SLC24A3: variants seen among roughly 807,000 people sequenced by gnomAD.
SLC24A3 encodes sodium/potassium/calcium exchanger 3.
Under a neutral mutation model 75.8 loss-of-function variants are expected in SLC24A3, and 28 were observed. That is an observed-to-expected ratio of 0.37 (90% CI 0.27 to 0.51). The LOEUF (loss-of-function observed/expected upper bound fraction) is 0.51. SLC24A3 is among the 20% of genes least tolerant of loss of function. The pLI is 0.94. For missense variants in SLC24A3, 663 were observed against 847.8 expected (o/e 0.78, Z 2.71); for synonymous variants, 372 against 334.1 (o/e 1.11, Z -1.24).
intron 1 of SLC24A3, among the ~76,000 whole-genome samples, chr20:19,250,374 G>A (rs1316364982): frequency 6.6e-6 from 1 of 152,196 alleles, no homozygotes; most frequent in Admixed American, 6.5e-5. Flanking sequence ...GCCAAATGGG[G>A]CAGTCCCTTT....
chr20:19,351,607 G>C lies in SLC24A3; in HGVS notation c.271+70520G>C, dbSNP rs144326146. Among the ~76,000 whole-genome samples, 172 of 152,210 alleles carry C rather than the reference G, an allele frequency of 1.1e-3. No individual in the cohort carries two copies. The East Asian group carries it at 0.017, about 15-fold the overall frequency. On this transcript the variant is annotated intron_variant, in intron 2 of 16. Coordinates refer to ENST00000328041, the MANE Select transcript of SLC24A3 (RefSeq NM_020689.4). ...GGGTTAGTAACGTTTTCCTCTCCCA[G>C]CCTCCCCTAGGACTCCTTTCCTGGG...
chr20:19,635,722 T>G (rs564012045), intron 6 of SLC24A3, among the ~76,000 whole-genome samples: 8 of 152,332 alleles, frequency 5.3e-5, no homozygotes, highest in African/African-American at 1.9e-4. Context: ...CATCTAGGAC[T>G]ATCACCTGGA....
chr20:19,693,673 A>C (rs2032772887), intron 13 of SLC24A3: 1 of 420,920 alleles, frequency 2.4e-6, no homozygotes, highest in Non-Finnish European at 4.2e-6. Flanking sequence ...TTCAGGCTTC[A>C]GGGTGGTCAT....
At chr20:19,429,953 G>A (rs544332030) in intron 2 of SLC24A3, among the ~76,000 whole-genome samples, 1 of 152,242 alleles carries the variant, frequency 6.6e-6, no homozygotes, top group East Asian at 1.9e-4. Context: ...AAAAAGAGGA[G>A]GGCCTGGGCT....
intron 2 of SLC24A3, among the ~76,000 whole-genome samples, chr20:19,461,609 T>G (rs903313763): frequency 1.4e-5 from 2 of 145,780 alleles, no homozygotes; most frequent in Non-Finnish European, 3.0e-5. Context: ...CTTGGCTCAC[T>G]GCAACCTCCA....
chr20:19,704,382 C>A (rs1460304983), intron 15 of SLC24A3, among the ~76,000 whole-genome samples: 1 of 152,104 alleles, frequency 6.6e-6, no homozygotes, highest in African/African-American at 2.4e-5. Context: ...CCTTCCAACG[C>A]CTATGTAAGG....
At chr20:19,406,169 G>T (rs949203253) in intron 2 of SLC24A3, among the ~76,000 whole-genome samples, 5 of 151,170 alleles carry the variant, frequency 3.3e-5, no homozygotes, top group African/African-American at 1.2e-4. Flanking sequence ...AACATTTAGT[G>T]CTTTTAAAGA....
chr20:19,473,148 A>C (rs1199462544), intron 2 of SLC24A3, among the ~76,000 whole-genome samples: 6 of 152,168 alleles, frequency 3.9e-5, no homozygotes, highest in Admixed American at 1.3e-4. Flanking sequence ...AAAGCCAAAG[A>C]TCTTGCTCCT....
rs367925437 is a variant in SLC24A3, at chr20:19,536,514, G to T, written c.348+20950G>T. On this transcript the variant is annotated intron_variant, in intron 3 of 16. Transcript: ENST00000328041. Reference sequence around the variant, plus strand: ...TACCAATGACTTTCTTCACAGAATTGGGAAAAACTACTTTAAAGTTCATAT... The same window carrying T: ...TACCAATGACTTTCTTCACAGAATTTGGAAAAACTACTTTAAAGTTCATAT... Among the ~76,000 whole-genome samples the T allele has an allele frequency of 6.6e-5, 10 of 152,194 alleles. 2 individuals are homozygous for T.
chr20:19,255,271 C>T (rs1008980781), intron 1 of SLC24A3, among the ~76,000 whole-genome samples: 5 of 152,238 alleles, frequency 3.3e-5, no homozygotes, highest in Admixed American at 1.3e-4. Flanking sequence ...TTAACTCTTG[C>T]TGCCTGTCAG....
intron 2 of SLC24A3, among the ~76,000 whole-genome samples, chr20:19,410,211 T>C (rs1456394425): frequency 6.6e-6 from 1 of 152,046 alleles, no homozygotes; most frequent in Non-Finnish European, 1.5e-5. Context: ...ATTAGAGGCC[T>C]AGAAAAAATA....
intron 2 of SLC24A3, among the ~76,000 whole-genome samples, chr20:19,383,651 G>A (rs57126358): frequency 0.063 from 9,524 of 152,046 alleles, 661 homozygotes; most frequent in East Asian, 0.3. Context: ...GGTCAGTTGG[G>A]GCTGCTATAA....
intron 14 of SLC24A3, among the ~76,000 whole-genome samples, chr20:19,697,861 A>G (rs2032828446): frequency 6.6e-6 from 1 of 152,148 alleles, no homozygotes; most frequent in Admixed American, 6.5e-5. Flanking sequence ...TCCTTTCCAT[A>G]AGGGTGTCTC....
At chr20:19,482,137 C>T (rs1412806083) in intron 2 of SLC24A3, among the ~76,000 whole-genome samples, 1 of 152,176 alleles carries the variant, frequency 6.6e-6, no homozygotes, top group East Asian at 1.9e-4. Flanking sequence ...TTGTGCACCC[C>T]CTTTTTAGAA....
chr20:19,558,370 C>T (rs1029385339), intron 3 of SLC24A3, among the ~76,000 whole-genome samples: 17 of 152,178 alleles, frequency 1.1e-4, no homozygotes, highest in Admixed American at 8.5e-4. Flanking sequence ...ACAGAGAATT[C>T]TCTTATACCA....
At chr20:19,389,006 G>A (rs1986322836) in intron 2 of SLC24A3, among the ~76,000 whole-genome samples, 1 of 151,612 alleles carries the variant, frequency 6.6e-6, no homozygotes, top group East Asian at 1.9e-4. Context: ...TATCTTTTGT[G>A]ATTTATCTTT....
chr20:19,400,521 G>T (rs1356487987), intron 2 of SLC24A3, among the ~76,000 whole-genome samples: 1 of 152,146 alleles, frequency 6.6e-6, no homozygotes, highest in Non-Finnish European at 1.5e-5. Context: ...TCTTCGAGTG[G>T]TTCTTTCCCA....
intron 2 of SLC24A3, among the ~76,000 whole-genome samples, chr20:19,291,902 G>T (rs1444509664): frequency 6.6e-6 from 1 of 152,228 alleles, no homozygotes; most frequent in African/African-American, 2.4e-5. Context: ...CAAAGAGCAG[G>T]CTGGACTCAG....
At chr20:19,405,126 A>G (rs1347478021) in intron 2 of SLC24A3, among the ~76,000 whole-genome samples, 1 of 152,062 alleles carries the variant, frequency 6.6e-6, no homozygotes, top group African/African-American at 2.4e-5. Context: ...CCCCCGCCCC[A>G]ATCCCCAGCT....
Sources: allele counts gnomAD v4.1 joint callset (sites outside exome capture counted in the v4.1 genomes callset), GRCh38; gene constraint gnomAD v4.1.1; transcripts MANE v1.5; gene names NCBI Gene and HGNC (gene_info 2026-07-23, HGNC 2026-07-21).